The following PLA2G4C variants were observed in gnomAD, a reference collection of about 807,000 sequenced individuals.
The protein encoded by PLA2G4C is phospholipase A2 group IVC.
In PLA2G4C, 64 loss-of-function variants were observed where a neutral mutation model predicts 73.8. The ratio of observed to expected loss-of-function variants is 0.87; its 90% CI spans 0.71 to 1.07. The LOEUF (loss-of-function observed/expected upper bound fraction) is 1.07. PLA2G4C is among the 50% of genes least tolerant of loss of function. The probability of loss-of-function intolerance (pLI) is 0.00; values close to 1 mark genes in which losing one functional copy is unlikely to be tolerated. For synonymous variants in PLA2G4C, 254 were observed against 252.1 expected (o/e 1.01, Z -0.07); for missense variants, 622 against 665.4 (o/e 0.93, Z 0.72).
rs114750034 is a variant in PLA2G4C, at chr19:48,070,287, G to A, written c.1007-2401C>T. Among the ~76,000 whole-genome samples, 1,197 of 152,282 alleles carry A rather than the reference G, an allele frequency of 7.9e-3. 13 individuals are homozygous for A. Among genetic ancestry groups the A allele is most frequent in the African/African-American group, 0.028 (1,146 of 41,568 alleles). On this transcript the variant is annotated intron_variant, in intron 12 of 16. Coordinates refer to ENST00000599921, the MANE Select transcript of PLA2G4C (RefSeq NM_003706.3). ...GGCTGTGAAGGTATTTTGTAGATGT[G>A]GTTGACAGCTAAAATCAGTTGACTT...
intron 9 of PLA2G4C, 54 bp from the exon 10 acceptor site, chr19:48,085,166 GT>G (rs1372708903): frequency 5.4e-6 from 7 of 1,288,824 alleles, no homozygotes; most frequent in Non-Finnish European, 7.9e-6. Flanking sequence ...TGACTGTCAT[GT>G]TTGATATTCA....
rs567103491 is a variant in PLA2G4C, at chr19:48,086,153, A to G, written c.791-1041T>C. 2.0e-5 allele frequency among the ~76,000 whole-genome samples: 3 copies of G among 152,308 alleles called. No homozygotes were observed. In the East Asian group the frequency reaches 5.8e-4, roughly 29 times the overall value. ...ACCCTGGCACATGGCTAGGTGGGAT[A>G]GATGGGGAGGGGCATGGCCTGAGAG... On this transcript the variant is annotated intron_variant, in intron 9 of 16. Coordinates refer to ENST00000599921, the MANE Select transcript of PLA2G4C (RefSeq NM_003706.3).
At chr19:48,095,315 T>G (rs559408292) in intron 7 of PLA2G4C, 149 bp downstream of exon 7, 2 of 717,622 alleles carry the variant, frequency 2.8e-6, no homozygotes, top group East Asian at 5.0e-5. Context: ...GCAGAAGGAA[T>G]ACACCATTCC....
rs190288658 is a variant in PLA2G4C, at chr19:48,095,457, C to T, written c.709+7G>A. The T allele has an allele frequency of 5.0e-6, 8 of 1,613,784 alleles. No individual in the cohort carries two copies. The African/African-American group carries it at 5.3e-5, about 11-fold the overall frequency. ...CCCTTTTAATCCCCTCTGACCCCAGCGCTGACCTCTCAGGAAAGTCAGGTC... is the reference window on the plus strand; with the variant it reads ...CCCTTTTAATCCCCTCTGACCCCAGTGCTGACCTCTCAGGAAAGTCAGGTC... On this transcript the variant is annotated splice_region_variant and intron_variant, in intron 7 of 16. Coordinates refer to ENST00000599921, the MANE Select transcript of PLA2G4C (RefSeq NM_003706.3).
intron 1 of PLA2G4C, 35 bp from the exon 2 acceptor site, chr19:48,106,596 C>T: frequency 1.3e-6 from 2 of 1,588,802 alleles, no homozygotes; most frequent in Non-Finnish European, 1.7e-6. Flanking sequence ...GTCCTGTGCC[C>T]ACTGTTGGGC....
At chr19:48,064,352 C>G (rs1047791392) in intron 13 of PLA2G4C, among the ~76,000 whole-genome samples, 2 of 151,572 alleles carry the variant, frequency 1.3e-5, no homozygotes, top group Non-Finnish European at 2.9e-5. Context: ...TCGCTTGAAC[C>G]CGGGAGGCGG....
chr19:48,067,173 G>GT (rs71181638), intron 13 of PLA2G4C, among the ~76,000 whole-genome samples: 45,056 of 144,768 alleles, frequency 0.31, 7,899 homozygotes, highest in Non-Finnish European at 0.41. Flanking sequence ...AATGTGTGTT[G>GT]TTTTTTTTTT....
At chr19:48,054,450 C>G (rs1050220401) in intron 15 of PLA2G4C, among the ~76,000 whole-genome samples, 1 of 151,720 alleles carries the variant, frequency 6.6e-6, no homozygotes, top group African/African-American at 2.4e-5. Context: ...ATTACAGGCA[C>G]GCACCACCAA....
At chr19:48,085,794 GC>G (rs1431054498) in intron 9 of PLA2G4C, among the ~76,000 whole-genome samples, 3 of 152,134 alleles carry the variant, frequency 2.0e-5, no homozygotes. Context: ...CAGGACACAC[GC>G]CCCCACCACA....
intron 10 of PLA2G4C, 146 bp from the exon 11 acceptor site, chr19:48,077,970 G>A: frequency 1.7e-6 from 1 of 589,980 alleles, no homozygotes; most frequent in Non-Finnish European, 2.9e-6. Flanking sequence ...AGCTAATTTT[G>A]TACCCGTCTT....
chr19:48,068,093 A>G lies in PLA2G4C; in HGVS notation c.1007-207T>C, dbSNP rs560291430. Among the ~76,000 whole-genome samples the G allele has an allele frequency of 1.1e-4, 17 of 152,234 alleles. No individual in the cohort carries two copies. The South Asian group carries it at 3.1e-3, about 28-fold the overall frequency. ...CCGAGGCAGAAGGATCACCATATCA[A>G]GAGATCGAGACCATCCTGGCCAACA... On this transcript the variant is annotated intron_variant, in intron 12 of 16. Coordinates refer to ENST00000599921, the MANE Select transcript of PLA2G4C (RefSeq NM_003706.3).
intron 2 of PLA2G4C, 140 bp downstream of exon 2, chr19:48,106,382 C>T (rs2032238846): frequency 5.6e-6 from 4 of 711,944 alleles, no homozygotes; most frequent in Non-Finnish European, 9.7e-6. Flanking sequence ...CATGGGCCAC[C>T]ATGCCCAACC....
At chr19:48,078,832 A>G (rs11564589) in intron 10 of PLA2G4C, among the ~76,000 whole-genome samples, 2,984 of 151,852 alleles carry the variant, frequency 0.02, 101 homozygotes, top group African/African-American at 0.067. Context: ...TTCCCATCAA[A>G]ATACTATCAT....
intron 13 of PLA2G4C, among the ~76,000 whole-genome samples, chr19:48,066,398 T>C (rs1468257689): frequency 5.9e-5 from 9 of 152,122 alleles, no homozygotes; most frequent in Non-Finnish European, 1.3e-4. Flanking sequence ...AGTGACTTGA[T>C]GCTTGATGGT....
intron 8 of PLA2G4C, 88 bp from the exon 9 acceptor site, chr19:48,088,800 T>C: frequency 9.9e-7 from 1 of 1,014,016 alleles, no homozygotes; most frequent in South Asian, 1.3e-5. Context: ...CCTGCAGGGA[T>C]ATTTCATTAA....
chr19:48,073,547 A>T (rs574839566), intron 12 of PLA2G4C, among the ~76,000 whole-genome samples: 39 of 151,850 alleles, frequency 2.6e-4, no homozygotes, highest in Non-Finnish European at 5.3e-4. Flanking sequence ...TCCTAGATGG[A>T]TGGATGGCCG....
At position 48,074,878 on chromosome 19, in the gene PLA2G4C, C is replaced by T. The variant is rs750979068; in HGVS notation, c.899-4G>A. ...TGTTCAGGCTCACCGCCTTCATCTA[C>T]GTCAAGAAATCCAGGTGGTCTCAGA... On this transcript the variant is annotated splice_polypyrimidine_tract_variant and splice_region_variant and intron_variant, in intron 11 of 16. Transcript: ENST00000599921. 41 of 1,587,644 alleles carry T rather than the reference C, an allele frequency of 2.6e-5. No homozygotes were observed. The highest frequency in any genetic ancestry group is 4.5e-5 in the East Asian group (2 of 44,714).
intron 7 of PLA2G4C, among the ~76,000 whole-genome samples, chr19:48,091,528 CG>C (rs144365368): frequency 0.17 from 26,506 of 151,922 alleles, 2,695 homozygotes; most frequent in Non-Finnish European, 0.24. Flanking sequence ...CACATGTCCT[CG>C]GGGCACTGTG....
chr19:48,067,756 G>C, intron 13 of PLA2G4C, 35 bp downstream of exon 13: 1 of 1,389,082 alleles, frequency 7.2e-7, no homozygotes, highest in Middle Eastern at 1.8e-4. Flanking sequence ...CACACGCAAG[G>C]ACAGACCAGG....
Sources: gnomAD v4.1 joint callset for allele counts (sites outside exome capture counted in the v4.1 genomes callset) on GRCh38, gnomAD v4.1.1 for gene constraint, MANE v1.5 for transcripts, NCBI Gene and HGNC (gene_info 2026-07-23, HGNC 2026-07-21) for gene names.